The following MYO1D variants were observed in gnomAD, a reference collection of about 807,000 sequenced individuals.
The protein encoded by MYO1D is myosin ID.
In MYO1D, 83 loss-of-function variants were observed where a neutral mutation model predicts 122.0. The ratio of observed to expected loss-of-function variants is 0.68; its 90% confidence interval spans 0.57 to 0.82. The LOEUF (loss-of-function observed/expected upper bound fraction) is 0.82. Among genes scored for constraint, MYO1D ranks in the 40% least tolerant of loss-of-function variants. MYO1D has a pLI of 0.00. For missense variants in MYO1D, 1,157 were observed against 1,269.5 expected, an observed-to-expected ratio of 0.91 and a Z score of 1.35; for synonymous variants, 464 against 446.9, an observed-to-expected ratio of 1.04 and a Z score of -0.48.
chr17:32,854,226 T>C (rs756803531), intron 1 of MYO1D, among the ~76,000 whole-genome samples: 21 of 152,234 alleles, frequency 1.4e-4, no homozygotes, highest in Non-Finnish European at 2.9e-4. Context: ...TTGGGAATTT[T>C]AGCTTATTAA....
At chr17:32,576,099 T>C (rs1190765893) in intron 21 of MYO1D, among the ~76,000 whole-genome samples, 1 of 152,166 alleles carries the variant, frequency 6.6e-6, no homozygotes, top group Non-Finnish European at 1.5e-5. Context: ...AGAGTAAAAT[T>C]AGTTCACTCT....
At chr17:32,553,162 G>A (rs1347118870) in intron 21 of MYO1D, among the ~76,000 whole-genome samples, 1 of 152,012 alleles carries the variant, frequency 6.6e-6, no homozygotes, top group Non-Finnish European at 1.5e-5. Flanking sequence ...TATGTCCCTG[G>A]TGAATGTTGA....
chr17:32,755,520 C>T lies in MYO1D; in HGVS notation c.1439G>A (p.Gly480Asp). 8 of 1,613,726 alleles carry T rather than the reference C, an allele frequency of 5.0e-6. No homozygotes were observed. The highest frequency in any genetic ancestry group is 6.8e-6 in the Non-Finnish European group (8 of 1,179,764). Reference protein sequence around the residue: ...MFLEALNSKLGKHAHFSSRKL... With the variant: ...MFLEALNSKLDKHAHFSSRKL... ...TCGGCTGGAAAAATGGGCGTGTTTG[C>T]CCAATTTACTGTTAAGTGCTTCAAG... The change falls in exon 11 of 22, where the codon GGC becomes GAC. Residue 480 changes from glycine to aspartate, a missense_variant. Transcript: ENST00000318217.
Position 32,876,864 on chromosome 17 carries a change from C to A in MYO1D, c.9G>T (p.Glu3Asp). ...CCTTGCCGAATTCCAGGCTCTCCTG[C>A]TCCGCCATGGCGCCAGCGCGGGGGC... MA[E>D]QESLEFGKAD... The change falls in exon 1 of 22, where the codon GAG (glutamate) becomes GAT (aspartate). Residue 3 changes from glutamate (E) to aspartate (D), a missense_variant. By Grantham distance (45) the Glu-to-Asp change is conservative. Transcript: ENST00000318217. 6.7e-7 allele frequency: 1 copy of A among 1,495,340 alleles called. No homozygotes were observed. Among genetic ancestry groups the A allele is most frequent in the Non-Finnish European group, 8.9e-7 (1 of 1,119,088 alleles). 92.6% of individuals were successfully genotyped at this position (1,495,340 alleles called of 1,614,324 possible).
chr17:32,522,105 A>T (rs1301169009), intron 21 of MYO1D, among the ~76,000 whole-genome samples: 1 of 150,590 alleles, frequency 6.6e-6, no homozygotes, highest in African/African-American at 2.4e-5. Flanking sequence ...AAAAAAAAAA[A>T]AGCAAAACTC....
chr17:32,841,994 C>T (rs2090887378), intron 1 of MYO1D, among the ~76,000 whole-genome samples: 3 of 152,138 alleles, frequency 2.0e-5, no homozygotes, highest in Non-Finnish European at 4.4e-5. Flanking sequence ...GAAGTAACGT[C>T]CATAAATTTG....
At chr17:32,591,307 A>C (rs1041245380) in intron 21 of MYO1D, among the ~76,000 whole-genome samples, 2 of 152,208 alleles carry the variant, frequency 1.3e-5, no homozygotes, top group Non-Finnish European at 2.9e-5. Flanking sequence ...AGCAGGTGGG[A>C]CTGAGTGCAT....
chr17:32,554,196 T>C (rs2087047827), intron 21 of MYO1D, among the ~76,000 whole-genome samples: 1 of 151,180 alleles, frequency 6.6e-6, no homozygotes, highest in Admixed American at 6.6e-5. Context: ...TCCCTGCCCC[T>C]GCCCCTGCCC....
At chr17:32,776,453 C>A (rs998656259) in intron 3 of MYO1D, among the ~76,000 whole-genome samples, 1 of 152,158 alleles carries the variant, frequency 6.6e-6, no homozygotes, top group Admixed American at 6.5e-5. Flanking sequence ...GTTATCTAGA[C>A]AGGAGACTGA....
Position 32,523,022 on chromosome 17 carries a change from A to G in MYO1D, c.2865-28107T>C, listed in dbSNP as rs531589083. On this transcript the variant is annotated intron_variant, in intron 21 of 21. Transcript: ENST00000318217. The stretch of plus-strand genomic sequence containing the variant: ...AGTAGAGACGGGGTTTCACCATGTT[A>G]GCCAGGATGGTCTCGATCTCCTGAC... Among the ~76,000 whole-genome samples the G allele has an allele frequency of 6.9e-3, 1,046 of 152,220 alleles. 5 individuals carry two copies. Among genetic ancestry groups the G allele is most frequent in the African/African-American group, 0.023 (952 of 41,540 alleles).
intron 21 of MYO1D, among the ~76,000 whole-genome samples, chr17:32,584,649 C>T (rs759362647): frequency 3.9e-5 from 6 of 152,010 alleles, no homozygotes; most frequent in Non-Finnish European, 7.4e-5. Context: ...CATGCCACCA[C>T]ACCCTGCTAA....
intron 21 of MYO1D, among the ~76,000 whole-genome samples, chr17:32,545,677 T>C (rs761563896): frequency 6.6e-6 from 1 of 152,182 alleles, no homozygotes; most frequent in Non-Finnish European, 1.5e-5. Flanking sequence ...TCAATTATTA[T>C]ACATTCTTAT....
chr17:32,694,707 CAAAAAAA>C (rs58606294), intron 16 of MYO1D, among the ~76,000 whole-genome samples: 5 of 55,914 alleles, frequency 8.9e-5, no homozygotes, highest in African/African-American at 1.5e-4. Flanking sequence ...GACTCCGTCT[CAAAAAAA>C]AAAAAAAAAA....
chr17:32,643,294 GC>G (rs1309968578), intron 19 of MYO1D, among the ~76,000 whole-genome samples: 1 of 152,180 alleles, frequency 6.6e-6, no homozygotes, highest in Non-Finnish European at 1.5e-5. Context: ...TGGTGGATAA[GC>G]TTTTTGATGT....
chr17:32,800,012 T>C (rs1375905077), intron 1 of MYO1D, among the ~76,000 whole-genome samples: 1 of 152,166 alleles, frequency 6.6e-6, no homozygotes, highest in African/African-American at 2.4e-5. Context: ...CCTGTTAGAC[T>C]GGCTATTATC....
At chr17:32,786,775 G>A (rs550055094) in intron 1 of MYO1D, among the ~76,000 whole-genome samples, 2 of 152,212 alleles carry the variant, frequency 1.3e-5, no homozygotes, top group Non-Finnish European at 2.9e-5. Context: ...AGCTGAGATC[G>A]CGCCACTTCA....
At chr17:32,519,376 G>C (rs1910020337) in intron 21 of MYO1D, 1 of 152,548 alleles carries the variant, frequency 6.6e-6, no homozygotes, top group Non-Finnish European at 1.5e-5. Context: ...AATCCGGGGC[G>C]ACAAAGGAAA....
intron 21 of MYO1D, among the ~76,000 whole-genome samples, chr17:32,508,004 C>G (rs538426596): frequency 1.3e-5 from 2 of 148,848 alleles, no homozygotes; most frequent in South Asian, 4.3e-4. Context: ...TCAAGTGATT[C>G]TCCTGCCTCA....
chr17:32,785,525 A>AT (rs904348982), intron 1 of MYO1D, among the ~76,000 whole-genome samples: 129 of 152,016 alleles, frequency 8.5e-4, no homozygotes, highest in African/African-American at 3.0e-3. Flanking sequence ...TACCCATGCC[A>AT]TTTTTTTTGG....
Sources: allele counts gnomAD v4.1 joint callset (sites outside exome capture counted in the v4.1 genomes callset), GRCh38; gene constraint gnomAD v4.1.1; transcripts MANE v1.5; gene names NCBI Gene and HGNC (gene_info 2026-07-23, HGNC 2026-07-21).